OSBPL8: variants seen among roughly 807,000 people sequenced by gnomAD.
The protein encoded by OSBPL8 is oxysterol-binding protein-related protein 8.
OSBPL8 carries 59 observed loss-of-function variants against 125.5 expected under a neutral mutation model. The observed-to-expected ratio is 0.47, with a 90% CI of 0.38 to 0.58. The LOEUF is 0.58. OSBPL8 is among the 20% of genes least tolerant of loss of function. The probability of loss-of-function intolerance (pLI) is 0.00; values close to 1 mark genes in which losing one functional copy is unlikely to be tolerated. For missense variants in OSBPL8, 758 were observed against 1,047.8 expected, an observed-to-expected ratio of 0.72 and a Z score of 3.82; for synonymous variants, 330 against 338.9, an observed-to-expected ratio of 0.97 and a Z score of 0.29.
intron 1 of OSBPL8, among the ~76,000 whole-genome samples, chr12:76,554,023 G>A: frequency 6.9e-6 from 1 of 144,574 alleles, no homozygotes; most frequent in South Asian, 2.2e-4. Flanking sequence ...TACCAATTCT[G>A]TGAATCAGCC....
intron 1 of OSBPL8, among the ~76,000 whole-genome samples, chr12:76,546,695 AG>A (rs907830642): frequency 6.6e-6 from 1 of 152,166 alleles, no homozygotes; most frequent in African/African-American, 2.4e-5. Context: ...GATATCTGAG[AG>A]GGAAAATGTT....
At chr12:76,469,763 T>G (rs933091424) in intron 2 of OSBPL8, among the ~76,000 whole-genome samples, 1 of 152,228 alleles carries the variant, frequency 6.6e-6, no homozygotes, top group African/African-American at 2.4e-5. Context: ...ATTTATATAT[T>G]TTTTCTTTCT....
chr12:76,358,876 C>T, intron 21 of OSBPL8, 65 bp from the exon 22 acceptor site: 3 of 1,232,264 alleles, frequency 2.4e-6, no homozygotes, highest in Non-Finnish European at 2.4e-6. Context: ...CAACTGTGTA[C>T]AATTGTCAAA....
At chr12:76,419,102 G>A (rs1869124963) in intron 4 of OSBPL8, among the ~76,000 whole-genome samples, 1 of 151,980 alleles carries the variant, frequency 6.6e-6, no homozygotes, top group African/African-American at 2.4e-5. Context: ...TGGGCGTGGT[G>A]ATACATGCCT....
chr12:76,369,124 A>C (rs972173079), intron 21 of OSBPL8, 90 bp downstream of exon 21: 1 of 1,450,270 alleles, frequency 6.9e-7, no homozygotes, highest in African/African-American at 1.8e-5. Context: ...CAAAATTTTA[A>C]ATTTTGAAAC....
intron 21 of OSBPL8, among the ~76,000 whole-genome samples, chr12:76,367,836 A>G (rs1170762959): frequency 2.6e-5 from 4 of 152,156 alleles, no homozygotes; most frequent in Admixed American, 6.5e-5. Flanking sequence ...CCTCCTATAC[A>G]GCTCCATCCT....
At chr12:76,451,390 T>C (rs1045316682) in intron 3 of OSBPL8, among the ~76,000 whole-genome samples, 9 of 152,154 alleles carry the variant, frequency 5.9e-5, no homozygotes, top group African/African-American at 2.2e-4. Context: ...CTCAGCCTCA[T>C]TAGTAATCAG....
chr12:76,457,707 A>AT (rs1874231793), intron 3 of OSBPL8, among the ~76,000 whole-genome samples: 1 of 152,242 alleles, frequency 6.6e-6, no homozygotes, highest in South Asian at 2.1e-4. Flanking sequence ...TATGTTGTAT[A>AT]TTTTTATTTA....
intron 4 of OSBPL8, among the ~76,000 whole-genome samples, chr12:76,439,650 A>C (rs1871944427): frequency 1.3e-5 from 2 of 152,126 alleles, no homozygotes; most frequent in South Asian, 4.1e-4. Flanking sequence ...TTGTAAAAGT[A>C]ATCTGTATTA....
intron 3 of OSBPL8, among the ~76,000 whole-genome samples, chr12:76,451,685 C>T (rs76424091): frequency 1.3e-5 from 2 of 152,168 alleles, no homozygotes; most frequent in African/African-American, 4.8e-5. Flanking sequence ...TACTATCTAT[C>T]GCTCAGTAAT....
At chr12:76,481,681 C>T (rs10506718) in intron 2 of OSBPL8, among the ~76,000 whole-genome samples, 31,048 of 152,112 alleles carry the variant, frequency 0.2, 3,408 homozygotes, top group Non-Finnish European at 0.26. Flanking sequence ...TAGAAAGATG[C>T]TATCACTAAT....
chr12:76,500,993 A>G (rs1879840834), intron 1 of OSBPL8, among the ~76,000 whole-genome samples: 1 of 152,218 alleles, frequency 6.6e-6, no homozygotes, highest in African/African-American at 2.4e-5. Flanking sequence ...GCCAGGTCCT[A>G]GTAGGCATCT....
chr12:76,548,555 A>G (rs990478808), intron 1 of OSBPL8, among the ~76,000 whole-genome samples: 2 of 152,192 alleles, frequency 1.3e-5, no homozygotes, highest in African/African-American at 4.8e-5. Flanking sequence ...TCCCTAAAGA[A>G]AGTGAACCAC....
chr12:76,492,960 G>A (rs1458823143), intron 1 of OSBPL8, among the ~76,000 whole-genome samples: 2 of 151,320 alleles, frequency 1.3e-5, no homozygotes, highest in African/African-American at 4.9e-5. Flanking sequence ...TTCATTGTGT[G>A]CACGTACACA....
chr12:76,512,730 T>C (rs1881127000), intron 1 of OSBPL8, among the ~76,000 whole-genome samples: 1 of 152,220 alleles, frequency 6.6e-6, no homozygotes, highest in South Asian at 2.1e-4. Flanking sequence ...AGAATACTGA[T>C]AGTAGTTTGA....
At chr12:76,505,659 G>A (rs1175518681) in intron 1 of OSBPL8, among the ~76,000 whole-genome samples, 1 of 151,878 alleles carries the variant, frequency 6.6e-6, no homozygotes, top group Non-Finnish European at 1.5e-5. Flanking sequence ...AACATGAGGG[G>A]GTGAGCAATT....
In OSBPL8 at chr12:76,354,703, G is replaced by A. The variant is rs1031694862; in HGVS notation, c.*1186C>T. On this transcript the variant is annotated 3_prime_UTR_variant, in exon 24 of 24. Coordinates refer to ENST00000261183, the MANE Select transcript of OSBPL8 (RefSeq NM_020841.5). Reference sequence around the variant, plus strand: ...ACTGAAGAAACAAACAAAAAAATTTGCCTTAGCCTGAACAATAGGAATCTT... The same window carrying A: ...ACTGAAGAAACAAACAAAAAAATTTACCTTAGCCTGAACAATAGGAATCTT... 1 of 151,870 alleles carries A rather than the reference G, an allele frequency of 6.6e-6. No individual in the cohort carries two copies. The highest frequency in any genetic ancestry group is 1.5e-5 in the Non-Finnish European group (1 of 67,820). 9.4% of individuals were successfully genotyped at this position (151,870 alleles called of 1,614,324 possible).
intron 4 of OSBPL8, among the ~76,000 whole-genome samples, chr12:76,435,773 G>A (rs1183628303): frequency 2.0e-5 from 3 of 152,142 alleles, no homozygotes; most frequent in African/African-American, 4.8e-5. Flanking sequence ...AGAAAGGAGA[G>A]TCTATAGAAC....
intron 4 of OSBPL8, among the ~76,000 whole-genome samples, chr12:76,438,365 C>A (rs1430802211): frequency 6.7e-6 from 1 of 150,180 alleles, no homozygotes; most frequent in South Asian, 2.1e-4. Context: ...AGCAGTGGTG[C>A]GATTACGGCT....
Sources: allele counts gnomAD v4.1 joint callset (sites outside exome capture counted in the v4.1 genomes callset), GRCh38; gene constraint gnomAD v4.1.1; transcripts MANE v1.5; gene names NCBI Gene and HGNC (gene_info 2026-07-23, HGNC 2026-07-21).